The following FSIP2 variants were observed in gnomAD, a reference collection of about 807,000 sequenced individuals.
The protein encoded by FSIP2 is fibrous sheath interacting protein 2, also known as fibrous sheath-interacting protein 2.
Under a neutral mutation model 510.5 loss-of-function variants are expected in FSIP2, and 367 were observed. The ratio of observed to expected loss-of-function variants is 0.72; its 90% CI spans 0.66 to 0.78. The LOEUF (loss-of-function observed/expected upper bound fraction) is 0.78, where lower values mean the gene tolerates loss of function less well. FSIP2 is among the 30% of genes least tolerant of loss of function. FSIP2 has a pLI of 0.00. For synonymous variants in FSIP2, 2,601 were observed against 2,732.2 expected, an observed-to-expected ratio of 0.95 and a Z score of 1.50; for missense variants, 7,594 against 7,901.7, an observed-to-expected ratio of 0.96 and a Z score of 1.48.
chr2:185,791,099 G>A lies in FSIP2; in HGVS notation c.3963G>A (p.Glu1321=). 3 of 1,531,790 alleles carry A rather than the reference G, an allele frequency of 2.0e-6. No individual in the cohort carries two copies. The highest frequency in any genetic ancestry group is 2.6e-6 in the Non-Finnish European group (3 of 1,144,386). The allele number at this position is 1,531,790 out of a possible 1,614,324, so 94.9% of individuals were successfully genotyped here. ...ELHKENLNLR[E]IDHTKSLTDK... is the part of the protein sequence containing the mutation. ...ACAAGGAAAACCTAAATCTTAGGGA[G>A]ATTGACCATACCAAATCCCTTACAG... The change falls in exon 16 of 23, where the codon GAG becomes GAA. Residue 1321 remains glutamate (E), a synonymous_variant. Coordinates refer to ENST00000424728, the MANE Select transcript of FSIP2 (RefSeq NM_173651.4).
At chr2:185,738,545 CA>C, upstream of FSIP2, 5 of 1,457,420 alleles carry the variant, frequency 3.4e-6, no homozygotes, top group Middle Eastern at 1.7e-4. Context: ...CCTTGGAAGC[CA>C]GGGGAAATTA....
chr2:185,764,084 T>TTAAC (rs1200068991), intron 12 of FSIP2, among the ~76,000 whole-genome samples: 1 of 106,360 alleles, frequency 9.4e-6, no homozygotes, highest in East Asian at 2.6e-4. Context: ...GGCTATGCCC[T>TTAAC]TAACTTAAAA....
In FSIP2 at chr2:185,804,159, A is replaced by G; in HGVS notation, c.14853A>G (p.Glu4951=). ...FIVNSSVFLE[E]VISELLCKIL... ...TGAACTCATCTGTCTTTTTGGAGGA[A>G]GTAATTTCTGAGCTCTTATGCAAAA... The change falls in exon 17 of 23, where the codon GAA becomes GAG. Residue 4951 remains glutamate, a synonymous_variant. Coordinates refer to ENST00000424728, the MANE Select transcript of FSIP2 (RefSeq NM_173651.4). 6.6e-7 allele frequency: 1 copy of G among 1,510,478 alleles called. No homozygotes were observed. Among genetic ancestry groups the G allele is most frequent in the East Asian group, 2.5e-5 (1 of 40,534 alleles). The allele number at this position is 1,510,478 out of a possible 1,614,324, so 93.6% of individuals were successfully genotyped here.
At position 185,804,694 on chromosome 2, in the gene FSIP2, T is replaced by C; in HGVS notation, c.15388T>C (p.Phe5130Leu). The C allele has an allele frequency of 6.5e-7, 1 of 1,531,764 alleles. No homozygotes were observed. The highest frequency in any genetic ancestry group is 8.7e-7 in the Non-Finnish European group (1 of 1,144,552). The allele number at this position is 1,531,764 out of a possible 1,614,324, so 94.9% of individuals were successfully genotyped here. The stretch of plus-strand genomic sequence containing the variant: ...GGTTTACAGGCTTCTAGGGCATGTC[T>C]TCCCTTCAACTCACACTGAAAATGA... ...DMVYRLLGHV[F>L]PSTHTENELK... The change falls in exon 17 of 23, where the codon TTC (phenylalanine) becomes CTC (leucine). Residue 5130 changes from phenylalanine (F) to leucine (L), a missense_variant. Coordinates refer to ENST00000424728, the MANE Select transcript of FSIP2 (RefSeq NM_173651.4).
rs1693426314 is a variant in FSIP2 at position 185,801,161 on chromosome 2, T to C, written c.11855T>C (p.Met3952Thr). 3 of 1,533,886 alleles carry C rather than the reference T, an allele frequency of 2.0e-6. No individual in the cohort carries two copies. Among genetic ancestry groups the C allele is most frequent in the Non-Finnish European group, 2.6e-6 (3 of 1,145,534 alleles). ...TTTGAAAGACAGAGAACAAAGGAAATGGATAAGGTAGCCATTCATAATAAG... is the reference window on the plus strand; with the variant it reads ...TTTGAAAGACAGAGAACAAAGGAAACGGATAAGGTAGCCATTCATAATAAG... ...SPFERQRTKE[M>T]DKVAIHNKLH... Residue 3952 changes from methionine (M) to threonine (T), a missense_variant, in exon 17 of 23, where the codon ATG becomes ACG. Met to Thr is a moderately conservative substitution (Grantham distance 81, BLOSUM62 -1). Coordinates refer to ENST00000424728, the MANE Select transcript of FSIP2 (RefSeq NM_173651.4).
intron 10 of FSIP2, 107 bp from the exon 11 acceptor site, chr2:185,761,865 A>G (rs1051638234): frequency 5.3e-6 from 3 of 563,534 alleles, no homozygotes; most frequent in African/African-American, 1.9e-5. Context: ...TTACTGGTTA[A>G]AAGAGGGAAA....
chr2:185,757,655 T>C (rs1018463897), intron 9 of FSIP2, among the ~76,000 whole-genome samples: 1 of 137,714 alleles, frequency 7.3e-6, no homozygotes, highest in East Asian at 2.1e-4. Context: ...ACATCCTCTA[T>C]ACTCTTATGA....
upstream of FSIP2, chr2:185,738,515 T>C: frequency 1.6e-6 from 2 of 1,232,952 alleles, no homozygotes; most frequent in Non-Finnish European, 2.2e-6. Context: ...TCGGGAATTT[T>C]TATTGAACGG....
Position 185,788,982 on chromosome 2 carries a change from C to T in FSIP2, c.1846C>T (p.His616Tyr). 6.5e-7 allele frequency: 1 copy of T among 1,534,294 alleles called. No homozygotes were observed. Among genetic ancestry groups the T allele is most frequent in the East Asian group, 2.4e-5 (1 of 40,850 alleles). The change falls in exon 16 of 23, where the codon CAC becomes TAC. Residue 616 changes from histidine (H) to tyrosine (Y), a missense_variant. Coordinates refer to ENST00000424728, the MANE Select transcript of FSIP2 (RefSeq NM_173651.4). The part of the protein sequence containing the change: ...VEKTVVGKTC[H>Y]IKGQSIISKH... ...AAAAACAGTTGTGGGGAAAACATGT[C>T]ACATAAAAGGACAATCTATAATCTC...
At chr2:185,827,351 T>G (rs915462220) in intron 20 of FSIP2, among the ~76,000 whole-genome samples, 1 of 151,824 alleles carries the variant, frequency 6.6e-6, no homozygotes, top group African/African-American at 2.4e-5. Context: ...ATAAAATGCA[T>G]AGTTTTTTCT....
chr2:185,779,350 A>C (rs909726598), intron 13 of FSIP2, among the ~76,000 whole-genome samples: 3 of 150,622 alleles, frequency 2.0e-5, no homozygotes, highest in Non-Finnish European at 4.4e-5. Context: ...TATTTCTTTT[A>C]GCATTTACCC....
chr2:185,791,717 T>C lies in FSIP2; in HGVS notation c.4581T>C (p.Ile1527=). ...DIDNPSFASI[I]EKMAKSTKII... ...ACAACCCATCATTTGCTTCAATTAT[T>C]GAGAAAATGGCCAAATCCACCAAAA... Residue 1527 remains isoleucine, a synonymous_variant, in exon 16 of 23, where the codon ATT becomes ATC. Coordinates refer to ENST00000424728, the MANE Select transcript of FSIP2 (RefSeq NM_173651.4). 1 of 1,534,500 alleles carries C rather than the reference T, an allele frequency of 6.5e-7. No homozygotes were observed. Among genetic ancestry groups the C allele is most frequent in the Non-Finnish European group, 8.7e-7 (1 of 1,145,636 alleles).
At chr2:185,754,199 A>G (rs1411937425) in intron 8 of FSIP2, among the ~76,000 whole-genome samples, 1 of 151,390 alleles carries the variant, frequency 6.6e-6, no homozygotes, top group African/African-American at 2.4e-5. Context: ...AAAGGGAGGT[A>G]GTACAGAATT....
intron 13 of FSIP2, among the ~76,000 whole-genome samples, chr2:185,771,214 C>A (rs1692601113): frequency 6.6e-6 from 1 of 152,144 alleles, no homozygotes; most frequent in African/African-American, 2.4e-5. Flanking sequence ...ATCTGGAGTG[C>A]ATTGGTCCTG....
In FSIP2 at chr2:185,738,987, C is replaced by T; in HGVS notation, c.93C>T (p.Cys31=). Residue 31 remains cysteine, a synonymous_variant, in exon 1 of 23, where the codon TGC becomes TGT. Coordinates refer to ENST00000424728, the MANE Select transcript of FSIP2 (RefSeq NM_173651.4). The part of the protein sequence containing the change: ...ASVLAADTQQ[C]RDGVHKTHFA... ...TCCTGGCCGCGGACACCCAGCAGTG[C>T]AGAGACGTGAGTGGCCGCAAGCTGG... The T allele has an allele frequency of 6.5e-7, 1 of 1,532,866 alleles. No homozygotes were observed. 95.0% of individuals were successfully genotyped at this position (1,532,866 alleles called of 1,614,324 possible). A position where few individuals can be genotyped will look rare whatever the true frequency, so the allele number is the denominator to read the frequency against.
At position 185,796,012 on chromosome 2, in the gene FSIP2, G is replaced by A; in HGVS notation, c.8876G>A (p.Gly2959Asp). 6.5e-7 allele frequency: 1 copy of A among 1,533,870 alleles called. No individual in the cohort carries two copies. Among genetic ancestry groups the A allele is most frequent in the East Asian group, 2.5e-5 (1 of 40,798 alleles). The change falls in exon 16 of 23, where the codon GGT becomes GAT. Residue 2959 changes from glycine to aspartate, a missense_variant. Coordinates refer to ENST00000424728, the MANE Select transcript of FSIP2 (RefSeq NM_173651.4). ...CACATTACTGCTAAAAGTAAATATG[G>A]TTTTCCAAACAAGCATAGCCTCAGC... The part of the protein sequence containing the change: ...KEHITAKSKY[G>D]FPNKHSLSSL...
chr2:185,828,327 C>A, intron 21 of FSIP2, 128 bp downstream of exon 21: 1 of 614,258 alleles, frequency 1.6e-6, no homozygotes, highest in Non-Finnish European at 3.0e-6. Context: ...CTCCTATTCA[C>A]AATTTCTTAC....
Position 185,804,182 on chromosome 2 carries a change from A to C in FSIP2, c.14876A>C (p.Lys4959Thr). The C allele has an allele frequency of 6.6e-7, 1 of 1,511,726 alleles. No individual in the cohort carries two copies. Among genetic ancestry groups the C allele is most frequent in the Non-Finnish European group, 8.8e-7 (1 of 1,136,024 alleles). The allele number at this position is 1,511,726 out of a possible 1,614,324, so 93.6% of individuals were successfully genotyped here. Residue 4959 changes from lysine to threonine, a missense_variant, in exon 17 of 23, where the codon AAA becomes ACA. Physicochemically the swap from Lys to Thr is moderately conservative, Grantham distance 78 (BLOSUM62 -1). Coordinates refer to ENST00000424728, the MANE Select transcript of FSIP2 (RefSeq NM_173651.4). ...LEEVISELLC[K>T]ILYAFSHNML... ...GAAGTAATTTCTGAGCTCTTATGCA[A>C]AATTCTTTATGCATTTTCACATAAC... is the stretch of plus-strand genomic sequence containing the variant.
At chr2:185,819,091 G>A (rs1360508542) in intron 19 of FSIP2, among the ~76,000 whole-genome samples, 1 of 151,880 alleles carries the variant, frequency 6.6e-6, no homozygotes, top group East Asian at 1.9e-4. Context: ...GGGGGCAAAT[G>A]TGTTAAAAAG....
Sources: gnomAD v4.1 joint callset for allele counts (sites outside exome capture counted in the v4.1 genomes callset) on GRCh38, gnomAD v4.1.1 for gene constraint, MANE v1.5 for transcripts, NCBI Gene and HGNC (gene_info 2026-07-23, HGNC 2026-07-21) for gene names.